Variants in SUGCT observed in about 807,000 individuals in gnomAD.
SUGCT encodes succinyl-CoA:glutarate-CoA transferase.
SUGCT carries 41 observed loss-of-function variants against 55.0 expected under a neutral mutation model. The observed-to-expected ratio is 0.74, with a 90% CI of 0.58 to 0.97. The LOEUF (loss-of-function observed/expected upper bound fraction) is 0.97. Ranked by LOEUF, SUGCT falls within the 50% of genes least tolerant of loss-of-function variation. SUGCT has a pLI of 0.00. For synonymous variants in SUGCT, 187 were observed against 200.4 expected (o/e 0.93, Z 0.56); for missense variants, 568 against 547.8 (o/e 1.04, Z -0.37).
In SUGCT at chr7:40,192,268, C is replaced by T. The variant is rs74779079; in HGVS notation, c.364-2672C>T. 3.2e-4 allele frequency among the ~76,000 whole-genome samples: 49 copies of T among 152,248 alleles called. No individual in the cohort carries two copies. The East Asian group carries it at 9.2e-3, about 29-fold the overall frequency. ...TACATGAGAGCTTCAAAAAGTATGA[C>T]TCCTTTGTCAGCTAGGCTAACCAAA... On this transcript the variant is annotated intron_variant, in intron 5 of 13. Coordinates refer to ENST00000335693, the MANE Select transcript of SUGCT (RefSeq NM_001193313.2).
chr7:40,437,267 A>G (rs1562776085), intron 9 of SUGCT, among the ~76,000 whole-genome samples: 2 of 152,198 alleles, frequency 1.3e-5, no homozygotes, highest in African/African-American at 2.4e-5. Flanking sequence ...AAAATCCTAC[A>G]TATGTTGGAT....
At chr7:40,778,665 C>T (rs924570564) in intron 13 of SUGCT, among the ~76,000 whole-genome samples, 1 of 152,184 alleles carries the variant, frequency 6.6e-6, no homozygotes, top group African/African-American at 2.4e-5. Context: ...GGCCTGGAGG[C>T]CAAGGAAGCT....
intron 7 of SUGCT, among the ~76,000 whole-genome samples, chr7:40,258,141 A>G (rs1043248422): frequency 6.6e-6 from 1 of 152,104 alleles, no homozygotes; most frequent in Non-Finnish European, 1.5e-5. Flanking sequence ...GGTAACAAAC[A>G]TCCTGGCCTT....
intron 9 of SUGCT, among the ~76,000 whole-genome samples, chr7:40,403,588 G>A (rs111635841): frequency 2.0e-4 from 30 of 152,122 alleles, no homozygotes; most frequent in African/African-American, 6.8e-4. Context: ...AATGGGAGGG[G>A]CCATTTGAAA....
At chr7:41,033,084 C>T in the SUGCT span, among the ~76,000 whole-genome samples, 1 of 152,146 alleles carries the variant, frequency 6.6e-6, no homozygotes, top group Non-Finnish European at 1.5e-5. Flanking sequence ...AATTTAAGCC[C>T]CTGTTTTGTA....
At chr7:40,848,386 T>G (rs1793684616) in intron 13 of SUGCT, among the ~76,000 whole-genome samples, 1 of 152,090 alleles carries the variant, frequency 6.6e-6, no homozygotes, top group African/African-American at 2.4e-5. Context: ...GCCTGAAAAC[T>G]CTTGGGAAAA....
intron 3 of SUGCT, among the ~76,000 whole-genome samples, chr7:40,185,051 A>G (rs1281998413): frequency 1.3e-5 from 2 of 152,304 alleles, no homozygotes; most frequent in African/African-American, 2.4e-5. Context: ...ATTATCCCTG[A>G]CAGTCTTAGG....
rs186884385 is a variant in SUGCT, at chr7:40,367,671, C to G, written c.816+50816C>G. Reference sequence around the variant, plus strand: ...AAATTAATGCAATATTTAACTAAGGCAAACACATCTGTCCTCATCTATCAA... The same window carrying G: ...AAATTAATGCAATATTTAACTAAGGGAAACACATCTGTCCTCATCTATCAA... On this transcript the variant is annotated intron_variant, in intron 9 of 13. Coordinates refer to ENST00000335693, the MANE Select transcript of SUGCT (RefSeq NM_001193313.2). Among the ~76,000 whole-genome samples, 130 of 152,218 alleles carry G rather than the reference C, an allele frequency of 8.5e-4. 1 individual carries two copies. The highest frequency in any genetic ancestry group is 6.8e-3 in the Middle Eastern group (2 of 294).
intron 12 of SUGCT, among the ~76,000 whole-genome samples, chr7:40,683,022 TGC>T: frequency 6.6e-6 from 1 of 152,190 alleles, no homozygotes; most frequent in Non-Finnish European, 1.5e-5. Flanking sequence ...AGGATTCCTT[TGC>T]ATTTTTTTAA....
the SUGCT span, among the ~76,000 whole-genome samples, chr7:41,027,527 C>T: frequency 6.6e-5 from 10 of 152,180 alleles, no homozygotes; most frequent in South Asian, 1.5e-3. Context: ...TAATGTTCTG[C>T]GGTGTAAGAA....
chr7:40,328,529 G>A (rs1346197921), intron 9 of SUGCT, among the ~76,000 whole-genome samples: 2 of 151,986 alleles, frequency 1.3e-5, no homozygotes, highest in African/African-American at 4.8e-5. Context: ...CTAAGGAGGG[G>A]GATAGCCTGG....
intron 12 of SUGCT, among the ~76,000 whole-genome samples, chr7:40,630,568 A>G (rs1799744300): frequency 6.6e-6 from 1 of 152,338 alleles, no homozygotes; most frequent in East Asian, 1.9e-4. Flanking sequence ...ATGCTATCCT[A>G]TCTCAGTAAA....
chr7:40,822,219 G>C (rs1792056638), intron 13 of SUGCT, among the ~76,000 whole-genome samples: 1 of 152,206 alleles, frequency 6.6e-6, no homozygotes, highest in African/African-American at 2.4e-5. Context: ...GCGATGTGGT[G>C]CTGAGAAGAA....
chr7:40,589,148 A>G (rs930137153), intron 12 of SUGCT, among the ~76,000 whole-genome samples: 8 of 151,758 alleles, frequency 5.3e-5, no homozygotes, highest in African/African-American at 1.7e-4. Flanking sequence ...ATATGTACAT[A>G]TATGTGTGTG....
the SUGCT span, among the ~76,000 whole-genome samples, chr7:40,938,496 T>G: frequency 2.0e-5 from 3 of 152,314 alleles, no homozygotes; most frequent in Middle Eastern, 3.4e-3. Context: ...ATTAATTTTT[T>G]AAAGATACAT....
At chr7:40,615,860 G>A (rs771203062) in intron 12 of SUGCT, among the ~76,000 whole-genome samples, 2 of 152,130 alleles carry the variant, frequency 1.3e-5, no homozygotes, top group Non-Finnish European at 2.9e-5. Flanking sequence ...GGATTCTTAT[G>A]TGCCCCCTTC....
intron 12 of SUGCT, among the ~76,000 whole-genome samples, chr7:40,527,579 T>C (rs951567817): frequency 2.0e-5 from 3 of 152,194 alleles, no homozygotes; most frequent in Non-Finnish European, 4.4e-5. Flanking sequence ...TTTCACAATG[T>C]AGGAAATTTA....
intron 13 of SUGCT, among the ~76,000 whole-genome samples, chr7:40,818,979 C>A (rs13243593): frequency 0.33 from 47,566 of 144,882 alleles, 8,211 homozygotes; most frequent in East Asian, 0.53. Context: ...TCATTGTTCA[C>A]TTCCCACCTA....
intron 11 of SUGCT, among the ~76,000 whole-genome samples, chr7:40,495,207 C>T (rs184844657): frequency 1.1e-4 from 16 of 150,572 alleles, no homozygotes; most frequent in South Asian, 6.3e-4. Context: ...CCACCACGCC[C>T]GGCTGAAACT....
Sources: allele counts gnomAD v4.1 joint callset (sites outside exome capture counted in the v4.1 genomes callset), GRCh38; gene constraint gnomAD v4.1.1; transcripts MANE v1.5; gene names NCBI Gene and HGNC (gene_info 2026-07-23, HGNC 2026-07-21).